ZNF425: variants seen among roughly 807,000 people sequenced by gnomAD.
ZNF425 encodes the protein zinc finger protein 425.
A neutral mutation model predicts 17.0 loss-of-function variants in ZNF425; 21 were observed. The observed-to-expected ratio is 1.23, with a 90% CI of 0.88 to 1.78. The LOEUF is 1.78. ZNF425 is among the 40% of genes most tolerant of loss of function. ZNF425 has a pLI of 0.00. For synonymous variants in ZNF425, 433 were observed against 384.1 expected, an observed-to-expected ratio of 1.13 and a Z score of -1.49; for missense variants, 868 against 967.3, an observed-to-expected ratio of 0.90 and a Z score of 1.36.
intron 1 of ZNF425, chr7:149,118,579 A>C: frequency 2.1e-6 from 1 of 485,360 alleles, no homozygotes; most frequent in Admixed American, 3.2e-5. Context: ...TTGGGAGGCC[A>C]AAGTGGGTGG....
intron 3 of ZNF425, among the ~76,000 whole-genome samples, chr7:149,106,738 C>G (rs1375012684): frequency 6.6e-6 from 1 of 152,032 alleles, no homozygotes. Flanking sequence ...ATAGGGTAAG[C>G]AGAAGTTGGA....
chr7:149,122,585 G>T (rs1826376947), intron 1 of ZNF425, among the ~76,000 whole-genome samples: 1 of 152,124 alleles, frequency 6.6e-6, no homozygotes, highest in African/African-American at 2.4e-5. Context: ...TTGTGCTGGT[G>T]GTACACCACC....
intron 3 of ZNF425, 89 bp from the exon 4 acceptor site, chr7:149,105,655 T>TATC: frequency 1.1e-6 from 1 of 882,920 alleles, no homozygotes. Flanking sequence ...TTATTATTAT[T>TATC]ATTATTATTT....
intron 1 of ZNF425, among the ~76,000 whole-genome samples, chr7:149,121,079 CTTTTTTT>C (rs75534831): frequency 8.0e-5 from 5 of 62,780 alleles, no homozygotes; most frequent in African/African-American, 3.5e-4. Flanking sequence ...TTTTACATTC[CTTTTTTT>C]TTTTTTTTTT....
At chr7:149,119,154 C>T (rs1345190466) in intron 1 of ZNF425, among the ~76,000 whole-genome samples, 1 of 148,988 alleles carries the variant, frequency 6.7e-6, no homozygotes, top group Non-Finnish European at 1.5e-5. Context: ...CTCTGACACC[C>T]AGGCTGGAGT....
chr7:149,109,672 T>C (rs1259842918), intron 3 of ZNF425, among the ~76,000 whole-genome samples: 1 of 152,198 alleles, frequency 6.6e-6, no homozygotes, highest in Non-Finnish European at 1.5e-5. Context: ...GCTAACTTAA[T>C]TGCCATGTCA....
Position 149,104,623 on chromosome 7 carries a change from A to G in ZNF425, c.1248T>C (p.Cys416=). The part of the protein sequence containing the change: ...RVHTGEKPFS[C]PECNKSFRLK... ...GGCGGAAACTTTTGTTACACTCGGG[A>G]CACGAAAAGGGCTTCTCTCCCGTGT... The change falls in exon 4 of 4, where the codon TGT becomes TGC. Residue 416 remains cysteine (C), a synonymous_variant. Transcript: ENST00000378061. The surrounding 1 kb of genome is among the most constrained non-coding windows in gnomAD (Gnocchi z 4.3). The G allele has an allele frequency of 6.2e-7, 1 of 1,614,112 alleles. No homozygotes were observed. Among genetic ancestry groups the G allele is most frequent in the Non-Finnish European group, 8.5e-7 (1 of 1,180,026 alleles).
At chr7:149,107,353 T>A (rs543331738) in intron 3 of ZNF425, among the ~76,000 whole-genome samples, 126 of 136,512 alleles carry the variant, frequency 9.2e-4, no homozygotes, top group Middle Eastern at 3.5e-3. Flanking sequence ...TTATTTTTTT[T>A]CTGAGACAGA....
At chr7:149,121,079 C>CTTTTTTTTTT (rs75534831) in intron 1 of ZNF425, among the ~76,000 whole-genome samples, 1 of 62,756 alleles carries the variant, frequency 1.6e-5, no homozygotes, top group African/African-American at 8.7e-5. Flanking sequence ...TTTTACATTC[C>CTTTTTTTTTT]TTTTTTTTTT....
At chr7:149,122,847 G>A (rs1158139488) in intron 1 of ZNF425, among the ~76,000 whole-genome samples, 2 of 151,870 alleles carry the variant, frequency 1.3e-5, no homozygotes, top group African/African-American at 2.4e-5. Flanking sequence ...AGGCATGTGC[G>A]ACCACGCCCA....
At position 149,104,197 on chromosome 7, in the gene ZNF425, C is replaced by T. The variant is rs1413689392; in HGVS notation, c.1674G>A (p.Glu558=). Residue 558 remains glutamate (E), a synonymous_variant, in exon 4 of 4, where the codon GAG becomes GAA. Transcript: ENST00000378061. The surrounding 1 kb of genome is among the most constrained non-coding windows in gnomAD (Gnocchi z 4.3). ...HSGEEPFQCP[E]CDKSFSWKAS... ...CCTTCCAGGAGAAGCTCTTGTCGCA[C>T]TCGGGACACTGGAAGGGCTCCTCGC... 1.9e-6 allele frequency: 3 copies of T among 1,612,844 alleles called. No individual in the cohort carries two copies. The highest frequency in any genetic ancestry group is 1.1e-5 in the South Asian group (1 of 91,008).
chr7:149,104,199 C>G lies in ZNF425; in HGVS notation c.1672G>C (p.Glu558Gln). Residue 558 changes from glutamate to glutamine, a missense_variant, in exon 4 of 4, where the codon GAG (glutamate) becomes CAG (glutamine). By Grantham distance (29) the Glu-to-Gln change is conservative (BLOSUM62 2). Coordinates refer to ENST00000378061, the MANE Select transcript of ZNF425 (RefSeq NM_001001661.3). The surrounding 1 kb of genome is among the most constrained non-coding windows in gnomAD (Gnocchi z 4.3). ...TTCCAGGAGAAGCTCTTGTCGCACT[C>G]GGGACACTGGAAGGGCTCCTCGCCA... Reference protein sequence around the residue: ...HSGEEPFQCPECDKSFSWKAS... With the variant: ...HSGEEPFQCPQCDKSFSWKAS... 2 of 1,612,682 alleles carry G rather than the reference C, an allele frequency of 1.2e-6. No individual in the cohort carries two copies. Among genetic ancestry groups the G allele is most frequent in the South Asian group, 2.2e-5 (2 of 90,984 alleles).
chr7:149,111,973 C>T (rs1480538928), intron 3 of ZNF425, 164 bp downstream of exon 3: 4 of 624,136 alleles, frequency 6.4e-6, no homozygotes, highest in African/African-American at 3.8e-5. Flanking sequence ...TGAGCCACCA[C>T]GCCCAGCCCA....
intron 1 of ZNF425, among the ~76,000 whole-genome samples, chr7:149,119,111 ATT>A (rs35943015): frequency 1.6e-3 from 204 of 130,112 alleles, no homozygotes; most frequent in Middle Eastern, 4.0e-3. Context: ...ACCAGCCTAG[ATT>A]TTTTTTTTTT....
chr7:149,106,437 G>C (rs6945720), intron 3 of ZNF425, among the ~76,000 whole-genome samples: 91,574 of 151,180 alleles, frequency 0.61, 28,934 homozygotes, highest in East Asian at 0.9. Context: ...CAGGGTTTCA[G>C]CATGTTGGCC....
intron 2 of ZNF425, among the ~76,000 whole-genome samples, chr7:149,115,594 G>A (rs1424292173): frequency 6.6e-6 from 1 of 151,802 alleles, no homozygotes; most frequent in Non-Finnish European, 1.5e-5. Context: ...GGAGGCTGAG[G>A]CAGGAGAATA....
chr7:149,115,481 G>C (rs889267001), intron 2 of ZNF425, among the ~76,000 whole-genome samples: 2 of 138,736 alleles, frequency 1.4e-5, no homozygotes, highest in Non-Finnish European at 3.0e-5. Context: ...TGACCACCCT[G>C]GCCAACATGA....
chr7:149,122,705 G>GT (rs1320136328), intron 1 of ZNF425, among the ~76,000 whole-genome samples: 1 of 151,690 alleles, frequency 6.6e-6, no homozygotes, highest in Non-Finnish European at 1.5e-5. Flanking sequence ...TTTTGTTTTT[G>GT]TTTTTTTGTA....
intron 3 of ZNF425, among the ~76,000 whole-genome samples, chr7:149,109,860 C>A (rs1026053941): frequency 2.7e-5 from 4 of 150,104 alleles, no homozygotes; most frequent in Non-Finnish European, 5.9e-5. Context: ...CTTGATAATT[C>A]TTTATTTATT....
Sources: allele counts gnomAD v4.1 joint callset (sites outside exome capture counted in the v4.1 genomes callset), GRCh38; gene constraint gnomAD v4.1.1; non-coding constraint Gnocchi (gnomAD v3.1); transcripts MANE v1.5; gene names NCBI Gene and HGNC (gene_info 2026-07-23, HGNC 2026-07-21).